The following SSBP2 variants were observed in gnomAD, a reference collection of about 807,000 sequenced individuals.
The protein encoded by SSBP2 is single-stranded DNA-binding protein 2.
In SSBP2, 17 loss-of-function variants were observed where a neutral mutation model predicts 61.8. The ratio of observed to expected loss-of-function variants is 0.28; its 90% CI spans 0.19 to 0.41. The LOEUF is 0.41. Ranked by LOEUF, SSBP2 falls within the 10% of genes least tolerant of loss-of-function variation. The pLI is 1.00. For missense variants in SSBP2, 310 were observed against 458.7 expected, an observed-to-expected ratio of 0.68 and a Z score of 2.96; for synonymous variants, 139 against 141.3, an observed-to-expected ratio of 0.98 and a Z score of 0.12.
rs527776311 is a variant in SSBP2 at position 81,416,347 on chromosome 5, A to C, written c.*4157T>G. 6.6e-6 allele frequency: 1 copy of C among 152,372 alleles called. No homozygotes were observed. 9.4% of individuals were successfully genotyped at this position (152,372 alleles called of 1,614,324 possible). On this transcript the variant is annotated 3_prime_UTR_variant, in exon 17 of 17. Coordinates refer to ENST00000320672, the MANE Select transcript of SSBP2 (RefSeq NM_012446.5). ...AATTAGCAGTGATAATCAAGAAATG[A>C]AAATTGCAATTATTTCTCCTGGGAA...
intron 1 of SSBP2, among the ~76,000 whole-genome samples, chr5:81,688,117 C>T (rs554258566): frequency 1.3e-5 from 2 of 152,190 alleles, no homozygotes; most frequent in South Asian, 4.2e-4. Context: ...GCCCACTGTC[C>T]TGAAGGGAGC....
At chr5:81,686,084 C>A (rs1019070090) in intron 1 of SSBP2, among the ~76,000 whole-genome samples, 4 of 152,150 alleles carry the variant, frequency 2.6e-5, no homozygotes, top group African/African-American at 7.2e-5. Flanking sequence ...TCAACTTAAT[C>A]CACTCAGGTT....
chr5:81,534,965 G>GCACA (rs982216745), intron 4 of SSBP2, among the ~76,000 whole-genome samples: 3 of 150,648 alleles, frequency 2.0e-5, no homozygotes, highest in African/African-American at 7.3e-5. Flanking sequence ...CAGAGATAAC[G>GCACA]CACACACACA....
intron 1 of SSBP2, among the ~76,000 whole-genome samples, chr5:81,651,866 T>A (rs1403084523): frequency 6.6e-6 from 1 of 152,166 alleles, no homozygotes; most frequent in East Asian, 1.9e-4. Flanking sequence ...TCAGTGCCCA[T>A]GATGGCAAAT....
At chr5:81,545,450 T>C (rs1771658215) in intron 4 of SSBP2, among the ~76,000 whole-genome samples, 1 of 152,204 alleles carries the variant, frequency 6.6e-6, no homozygotes, top group African/African-American at 2.4e-5. Context: ...TTAGTAGTAG[T>C]AATACTAACA....
intron 4 of SSBP2, among the ~76,000 whole-genome samples, chr5:81,549,181 G>T (rs994711897): frequency 6.6e-6 from 1 of 152,066 alleles, no homozygotes; most frequent in Non-Finnish European, 1.5e-5. Flanking sequence ...TGAAGACTTA[G>T]TTCAATCACT....
At chr5:81,601,560 G>T (rs1207284812) in intron 4 of SSBP2, among the ~76,000 whole-genome samples, 1 of 152,100 alleles carries the variant, frequency 6.6e-6, no homozygotes, top group South Asian at 2.1e-4. Flanking sequence ...CTAGGGAAAA[G>T]GTACATGAGA....
chr5:81,630,996 A>ACC (rs1327364668), intron 3 of SSBP2, among the ~76,000 whole-genome samples: 1 of 152,250 alleles, frequency 6.6e-6, no homozygotes, highest in African/African-American at 2.4e-5. Context: ...TTCACTGGAA[A>ACC]CACACAAAAT....
At position 81,716,867 on chromosome 5, in the gene SSBP2, AG is replaced by A. The variant is rs576923975; in HGVS notation, c.62+34113del. The stretch of plus-strand genomic sequence containing the variant: ...GTTCAGATCATTTTTAAGAAAGGGA[AG>A]CATCAAGTATGTGTGTATCGCTCTG... On this transcript the variant is annotated intron_variant, in intron 1 of 16. Coordinates refer to ENST00000320672, the MANE Select transcript of SSBP2 (RefSeq NM_012446.5). Among the ~76,000 whole-genome samples the A allele has an allele frequency of 3.9e-5, 6 of 152,214 alleles. No individual in the cohort carries two copies. In the South Asian group the frequency reaches 1.2e-3, roughly 31 times the overall value.
In SSBP2 at chr5:81,445,139, T is replaced by TATATACATATAC. The variant is rs1491151241; in HGVS notation, c.778+1728_778+1729insGTATATGTATAT. Among the ~76,000 whole-genome samples, 2 of 13,620 alleles carry TATATACATATAC rather than the reference T, an allele frequency of 1.5e-4. 1 individual carries two copies. Among genetic ancestry groups the TATATACATATAC allele is most frequent in the African/African-American group, 4.0e-4 (2 of 4,956 alleles). The allele number at this position is 13,620 out of a possible 152,430, so 8.9% of individuals were successfully genotyped here. ...GTCTCAGCAAAGAAAAAAAAAATTT[T>TATATACATATAC]ATATATATATATATATATATATATA... is the stretch of plus-strand genomic sequence containing the variant. On this transcript the variant is annotated intron_variant, in intron 12 of 16. Coordinates refer to ENST00000320672, the MANE Select transcript of SSBP2 (RefSeq NM_012446.5).
At chr5:81,634,170 T>C (rs1191975733) in intron 3 of SSBP2, among the ~76,000 whole-genome samples, 2 of 152,198 alleles carry the variant, frequency 1.3e-5, no homozygotes, top group African/African-American at 2.4e-5. Context: ...ATAAGAAGCA[T>C]TTACAAGCTA....
At chr5:81,581,346 G>T (rs1414578388) in intron 4 of SSBP2, among the ~76,000 whole-genome samples, 2 of 152,162 alleles carry the variant, frequency 1.3e-5, no homozygotes, top group Non-Finnish European at 2.9e-5. Flanking sequence ...ATGTAGAATG[G>T]AGGTGTTTGA....
chr5:81,444,952 G>A (rs1157859456), intron 12 of SSBP2, among the ~76,000 whole-genome samples: 1 of 150,226 alleles, frequency 6.7e-6, no homozygotes, highest in Non-Finnish European at 1.5e-5. Flanking sequence ...GTGAAACCCC[G>A]TCTCTACTAA....
At chr5:81,566,254 G>A (rs1294353662) in intron 4 of SSBP2, among the ~76,000 whole-genome samples, 1 of 152,188 alleles carries the variant, frequency 6.6e-6, no homozygotes, top group African/African-American at 2.4e-5. Flanking sequence ...TGGTTTGGCT[G>A]TGTCCCCACC....
chr5:81,646,293 C>A (rs550783736), intron 2 of SSBP2, among the ~76,000 whole-genome samples: 3 of 152,084 alleles, frequency 2.0e-5, no homozygotes, highest in Non-Finnish European at 4.4e-5. Flanking sequence ...TCTCCTTGAA[C>A]CAGGGTGAGA....
intron 10 of SSBP2, among the ~76,000 whole-genome samples, chr5:81,454,450 G>A (rs932369061): frequency 2.6e-5 from 4 of 152,218 alleles, no homozygotes. Flanking sequence ...GGAGGCCAAG[G>A]TGGGTGGATC....
intron 11 of SSBP2, 71 bp downstream of exon 11, chr5:81,448,719 G>A: frequency 6.7e-7 from 1 of 1,489,724 alleles, no homozygotes; most frequent in East Asian, 2.3e-5. Context: ...TTAACATCTG[G>A]ACAACTGTTT....
intron 15 of SSBP2, among the ~76,000 whole-genome samples, chr5:81,428,995 A>C (rs1762127810): frequency 6.8e-6 from 1 of 146,148 alleles, no homozygotes; most frequent in Non-Finnish European, 1.5e-5. Context: ...GGAGAGTTTA[A>C]AACATTCCCA....
intron 1 of SSBP2, among the ~76,000 whole-genome samples, chr5:81,745,312 A>T (rs1757286944): frequency 6.6e-6 from 1 of 152,148 alleles, no homozygotes; most frequent in African/African-American, 2.4e-5. Context: ...ATAGTCAAGT[A>T]ACTCTCACAG....
Sources: gnomAD v4.1 joint callset for allele counts (sites outside exome capture counted in the v4.1 genomes callset) on GRCh38, gnomAD v4.1.1 for gene constraint, MANE v1.5 for transcripts, NCBI Gene and HGNC (gene_info 2026-07-23, HGNC 2026-07-21) for gene names.